The following PHF6 variants were observed in gnomAD, a reference collection of about 807,000 sequenced individuals.
PHF6 encodes PHD finger protein 6, also known as PHD-like zinc finger protein.
PHF6 carries 7 observed loss-of-function variants against 34.0 expected under a neutral mutation model. That is an observed-to-expected ratio of 0.21 (90% CI 0.12 to 0.39). PHF6 has a LOEUF of 0.39. Among genes scored for constraint, PHF6 ranks in the 10% least tolerant of loss-of-function variants. The probability of loss-of-function intolerance (pLI) is 1.00; values close to 1 mark genes in which losing one functional copy is unlikely to be tolerated. For synonymous variants in PHF6, 89 were observed against 88.4 expected, an observed-to-expected ratio of 1.01 and a Z score of -0.04; for missense variants, 128 against 262.8, an observed-to-expected ratio of 0.49 and a Z score of 3.55.
intron 5 of PHF6, among the ~76,000 whole-genome samples, chrX:134,400,923 G>T (rs751559244): frequency 9.0e-6 from 1 of 111,630 alleles, no homozygotes; most frequent in Non-Finnish European, 1.9e-5. Context: ...ATTTGCAAGA[G>T]AGCAGTTTGA....
intron 5 of PHF6, among the ~76,000 whole-genome samples, chrX:134,406,594 C>G (rs1172100491): frequency 4.5e-5 from 5 of 111,030 alleles, no homozygotes; most frequent in Non-Finnish European, 9.4e-5. Context: ...TTGGGCATTC[C>G]CCTCCCTATA....
intron 9 of PHF6, among the ~76,000 whole-genome samples, chrX:134,424,073 C>T (rs992163871): frequency 1.6e-4 from 17 of 107,588 alleles, no homozygotes; most frequent in African/African-American, 5.8e-4. Context: ...AACAAACCTG[C>T]ACGTTGTGCA....
chrX:134,397,476 C>T (rs1211348616), intron 5 of PHF6, among the ~76,000 whole-genome samples: 5 of 111,578 alleles, frequency 4.5e-5, no homozygotes, highest in Non-Finnish European at 9.4e-5. Flanking sequence ...TGGTGAAACC[C>T]CGTCTCTACT....
chrX:134,420,578 A>AG (rs1369561493), intron 9 of PHF6, among the ~76,000 whole-genome samples: 8 of 109,666 alleles, frequency 7.3e-5, no homozygotes, highest in Non-Finnish European at 1.9e-5. Context: ...TAAAAAAAAA[A>AG]CACACAAAGC....
intron 9 of PHF6, among the ~76,000 whole-genome samples, chrX:134,424,517 C>G (rs1003314063): frequency 8.9e-6 from 1 of 111,929 alleles, no homozygotes; most frequent in African/African-American, 3.2e-5. Flanking sequence ...AAATACAGGG[C>G]GAGAGAGAAC....
Position 134,406,062 on chromosome X carries a change from TTTTCTTTCTTTC to T in PHF6, c.419-7389_419-7378del, listed in dbSNP as rs775639514. ...CAATCTTAATGCCTGTCCTTTTTCT[TTTTCTTTCTTTC>T]TTTCTTTCTTTCTTTCTTTCTTTCT... On this transcript the variant is annotated intron_variant, in intron 5 of 10. Transcript: ENST00000370803. 9.4e-3 allele frequency among the ~76,000 whole-genome samples: 730 copies of T among 78,050 alleles called. 8 individuals are homozygous for T. The highest frequency in any genetic ancestry group is 0.025 in the African/African-American group (510 of 20,704). 67.8% of individuals were successfully genotyped at this position (78,050 alleles called of 115,157 possible).
chrX:134,409,260 G>C (rs1359419857), intron 5 of PHF6, among the ~76,000 whole-genome samples: 1 of 111,160 alleles, frequency 9.0e-6, no homozygotes, highest in Non-Finnish European at 1.9e-5. Flanking sequence ...ATATCCAGTT[G>C]TGCCATTATG....
At chrX:134,399,504 A>C (rs1467166711) in intron 5 of PHF6, among the ~76,000 whole-genome samples, 1 of 111,456 alleles carries the variant, frequency 9.0e-6, no homozygotes, top group Non-Finnish European at 1.9e-5. Flanking sequence ...TTGCTTGTAA[A>C]GGGGCAGGGA....
intron 9 of PHF6, among the ~76,000 whole-genome samples, chrX:134,422,094 A>G (rs1343738621): frequency 9.1e-6 from 1 of 110,180 alleles, no homozygotes; most frequent in African/African-American, 3.3e-5. Flanking sequence ...ATACCCGGCT[A>G]ATTTTTTTTG....
At chrX:134,420,500 A>G (rs1422421766) in intron 9 of PHF6, among the ~76,000 whole-genome samples, 1 of 109,857 alleles carries the variant, frequency 9.1e-6, no homozygotes, top group Admixed American at 9.8e-5. Flanking sequence ...CTAGTTAGAA[A>G]ATGTAAAGGA....
chrX:134,408,254 G>C (rs2077434006), intron 5 of PHF6, among the ~76,000 whole-genome samples: 2 of 112,316 alleles, frequency 1.8e-5, no homozygotes, highest in East Asian at 5.6e-4. Flanking sequence ...TAATAAAATT[G>C]GTTATATCTG....
At position 134,427,619 on chromosome X, in the gene PHF6, G is replaced by A. The variant is rs963629030; in HGVS notation, c.*1959G>A. The A allele has an allele frequency of 2.5e-5, 4 of 159,633 alleles. No individual in the cohort carries two copies. The highest frequency in any genetic ancestry group is 3.3e-4 in the South Asian group (1 of 3,060). The allele number at this position is 159,633 out of a possible 1,213,427, so 13.2% of individuals were successfully genotyped here. A position where few individuals can be genotyped will look rare whatever the true frequency, so the allele number is the denominator to read the frequency against. ...TGTAGTAAAATGTATGACTTTGTATGGGTTTCTTCAGCCCTTTTTCTGCCA... is the reference window on the plus strand; with the variant it reads ...TGTAGTAAAATGTATGACTTTGTATAGGTTTCTTCAGCCCTTTTTCTGCCA... On this transcript the variant is annotated 3_prime_UTR_variant, in exon 11 of 11. Coordinates refer to ENST00000370803, the MANE Select transcript of PHF6 (RefSeq NM_001015877.2).
At chrX:134,408,339 T>G (rs1221909307) in intron 5 of PHF6, among the ~76,000 whole-genome samples, 4 of 112,216 alleles carry the variant, frequency 3.6e-5, no homozygotes, top group Non-Finnish European at 5.6e-5. Flanking sequence ...TACGAGTGAC[T>G]CTGTAAGATA....
At chrX:134,410,639 T>C (rs1317270245) in intron 5 of PHF6, among the ~76,000 whole-genome samples, 2 of 105,948 alleles carry the variant, frequency 1.9e-5, no homozygotes, top group African/African-American at 6.9e-5. Context: ...TATTTTATTT[T>C]ATTTTATTTT....
chrX:134,387,528 C>G (rs929877901), intron 3 of PHF6, among the ~76,000 whole-genome samples: 4 of 111,106 alleles, frequency 3.6e-5, no homozygotes, highest in African/African-American at 9.8e-5. Flanking sequence ...AACCCATACA[C>G]GAGAAAAGCT....
intron 5 of PHF6, among the ~76,000 whole-genome samples, chrX:134,402,145 G>A (rs2077405201): frequency 9.0e-6 from 1 of 111,211 alleles, no homozygotes; most frequent in Non-Finnish European, 1.9e-5. Flanking sequence ...ACAGGCAAGC[G>A]CCACCACGCC....
intron 5 of PHF6, among the ~76,000 whole-genome samples, chrX:134,406,742 C>T (rs757385854): frequency 4.5e-5 from 5 of 112,008 alleles, no homozygotes; most frequent in East Asian, 2.8e-4. Flanking sequence ...CCTATTTTGT[C>T]GCCTGCCTTA....
chrX:134,414,175 G>A (rs1181222962), intron 7 of PHF6, among the ~76,000 whole-genome samples: 1 of 110,718 alleles, frequency 9.0e-6, no homozygotes, highest in African/African-American at 3.3e-5. Context: ...TTAAATTATA[G>A]CCTTTATGTT....
chrX:134,384,937 C>G (rs1163309603), intron 3 of PHF6, among the ~76,000 whole-genome samples: 3 of 111,859 alleles, frequency 2.7e-5, no homozygotes, highest in African/African-American at 9.7e-5. Flanking sequence ...AGGCGTGAGC[C>G]ACTGCGCCCA....
Sources: allele counts gnomAD v4.1 joint callset (sites outside exome capture counted in the v4.1 genomes callset), GRCh38; gene constraint gnomAD v4.1.1; transcripts MANE v1.5; gene names NCBI Gene and HGNC (gene_info 2026-07-23, HGNC 2026-07-21).